Variants in FOCAD observed in about 807,000 individuals in gnomAD.
The protein encoded by FOCAD is focadhesin.
In FOCAD, 198 loss-of-function variants were observed where a neutral mutation model predicts 225.6. The observed-to-expected ratio is 0.88, with a 90% CI of 0.78 to 0.99. The LOEUF is 0.99. FOCAD is among the 50% of genes least tolerant of loss of function. FOCAD has a pLI of 0.00. For synonymous variants in FOCAD, 897 were observed against 755.0 expected, an observed-to-expected ratio of 1.19 and a Z score of -3.08; for missense variants, 2,713 against 2,123.6, an observed-to-expected ratio of 1.28 and a Z score of -5.46.
At chr9:20,743,388 T>C (rs186322814) in intron 5 of FOCAD, among the ~76,000 whole-genome samples, 1 of 152,328 alleles carries the variant, frequency 6.6e-6, no homozygotes, top group African/African-American at 2.4e-5. Context: ...ATTTCTTACT[T>C]CTTTTTCTTC....
intron 35 of FOCAD, among the ~76,000 whole-genome samples, chr9:20,955,893 C>G (rs906996002): frequency 2.6e-5 from 4 of 151,766 alleles, no homozygotes; most frequent in African/African-American, 9.7e-5. Context: ...GTGATTCTTT[C>G]TAATGCTAAT....
intron 18 of FOCAD, among the ~76,000 whole-genome samples, chr9:20,868,153 C>G (rs560978606): frequency 1.3e-5 from 2 of 152,030 alleles, no homozygotes; most frequent in African/African-American, 4.8e-5. Flanking sequence ...CCAGCAATAC[C>G]CATTGTTGCT....
chr9:20,740,352 T>G lies in FOCAD; in HGVS notation c.392+12T>G. On this transcript the variant is annotated intron_variant, in intron 5 of 43. Transcript: ENST00000338382. The stretch of plus-strand genomic sequence containing the variant: ...ATATATACCATTAGGTAAGCCTTTT[T>G]TCTGTTTTTTTTTTAAACAAATATG... 1 of 1,433,578 alleles carries G rather than the reference T, an allele frequency of 7.0e-7. No individual in the cohort carries two copies. Among genetic ancestry groups the G allele is most frequent in the Admixed American group, 2.3e-5 (1 of 44,248 alleles). The allele number at this position is 1,433,578 out of a possible 1,614,324, so 88.8% of individuals were successfully genotyped here.
chr9:20,764,813 C>G, intron 6 of FOCAD, 56 bp from the exon 7 acceptor site: 1 of 1,363,314 alleles, frequency 7.3e-7, no homozygotes, highest in Non-Finnish European at 1.0e-6. Context: ...TTGCCACTTA[C>G]CTGCTTGATA....
At chr9:20,773,864 C>T (rs1490614239) in intron 8 of FOCAD, among the ~76,000 whole-genome samples, 1 of 152,066 alleles carries the variant, frequency 6.6e-6, no homozygotes, top group African/African-American at 2.4e-5. Context: ...CCGTATGGTG[C>T]CCTTTAATAC....
chr9:20,674,598 G>A (rs1400178168), intron 2 of FOCAD, among the ~76,000 whole-genome samples: 1 of 152,204 alleles, frequency 6.6e-6, no homozygotes, highest in East Asian at 1.9e-4. Context: ...CCAGGCTGTG[G>A]TGCCACTTTG....
intron 35 of FOCAD, among the ~76,000 whole-genome samples, chr9:20,974,091 C>T (rs1840017688): frequency 1.3e-5 from 2 of 149,010 alleles, no homozygotes; most frequent in African/African-American, 5.0e-5. Context: ...TGCCCTACTT[C>T]CCCCTTCTTT....
At chr9:20,791,754 T>C (rs1820561673) in intron 11 of FOCAD, among the ~76,000 whole-genome samples, 1 of 152,162 alleles carries the variant, frequency 6.6e-6, no homozygotes, top group Non-Finnish European at 1.5e-5. Context: ...CTGGGTAGAA[T>C]AGAAGTAGGT....
At chr9:20,884,257 C>G (rs987233304) in intron 20 of FOCAD, among the ~76,000 whole-genome samples, 1 of 152,034 alleles carries the variant, frequency 6.6e-6, no homozygotes, top group Non-Finnish European at 1.5e-5. Flanking sequence ...TACATGTGAT[C>G]TTAACTAAAA....
At chr9:20,891,009 T>G (rs1831567272) in intron 21 of FOCAD, among the ~76,000 whole-genome samples, 1 of 152,164 alleles carries the variant, frequency 6.6e-6, no homozygotes, top group Non-Finnish European at 1.5e-5. Context: ...CAATACCATA[T>G]GCTTACTTCA....
At chr9:20,753,520 ATGG>A (rs1828761764) in intron 5 of FOCAD, among the ~76,000 whole-genome samples, 1 of 151,920 alleles carries the variant, frequency 6.6e-6, no homozygotes, top group South Asian at 2.1e-4. Flanking sequence ...CCACTTGATC[ATGG>A]TGGATAAGCT....
At chr9:20,947,454 T>C (rs1156832805) in intron 30 of FOCAD, among the ~76,000 whole-genome samples, 1 of 152,096 alleles carries the variant, frequency 6.6e-6, no homozygotes, top group African/African-American at 2.4e-5. Flanking sequence ...GTCAAAAGCA[T>C]AGAGACAGAA....
intron 1 of FOCAD, among the ~76,000 whole-genome samples, chr9:20,704,450 A>C (rs1373458367): frequency 6.6e-6 from 1 of 152,222 alleles, no homozygotes; most frequent in African/African-American, 2.4e-5. Context: ...ACTTTGCAAC[A>C]ATCAAAAATG....
intron 11 of FOCAD, among the ~76,000 whole-genome samples, chr9:20,804,937 G>T (rs1822254591): frequency 6.6e-6 from 1 of 151,976 alleles, no homozygotes; most frequent in East Asian, 1.9e-4. Flanking sequence ...AATTTGATTT[G>T]GTTTGCTAAC....
At chr9:20,972,363 G>T (rs1839841031) in intron 35 of FOCAD, among the ~76,000 whole-genome samples, 1 of 151,972 alleles carries the variant, frequency 6.6e-6, no homozygotes, top group Non-Finnish European at 1.5e-5. Context: ...TCTCATTGTG[G>T]TTTTGATTTG....
At chr9:20,754,582 A>G (rs1166043839) in intron 5 of FOCAD, among the ~76,000 whole-genome samples, 1 of 151,976 alleles carries the variant, frequency 6.6e-6, no homozygotes, top group Non-Finnish European at 1.5e-5. Flanking sequence ...GACTGGTGCA[A>G]TGCTTTCTTC....
chr9:20,936,811 T>C (rs1836022055), intron 28 of FOCAD, among the ~76,000 whole-genome samples: 2 of 152,220 alleles, frequency 1.3e-5, no homozygotes, highest in South Asian at 4.1e-4. Flanking sequence ...GATGGCATGA[T>C]TGTATATCTA....
At chr9:20,952,297 C>G (rs1326592547) in intron 34 of FOCAD, 3 of 152,202 alleles carry the variant, frequency 2.0e-5, no homozygotes, top group African/African-American at 4.8e-5. Flanking sequence ...GATTGTGTAT[C>G]TGGAAAAGTA....
chr9:20,780,229 G>C (rs1159644090), intron 9 of FOCAD, among the ~76,000 whole-genome samples: 1 of 152,126 alleles, frequency 6.6e-6, no homozygotes, highest in African/African-American at 2.4e-5. Flanking sequence ...CTCAGCTCCA[G>C]AGAAATACTA....
Sources: gnomAD v4.1 joint callset for allele counts (sites outside exome capture counted in the v4.1 genomes callset) on GRCh38, gnomAD v4.1.1 for gene constraint, MANE v1.5 for transcripts, NCBI Gene and HGNC (gene_info 2026-07-23, HGNC 2026-07-21) for gene names.